Variants in ZNF280D observed in about 807,000 individuals in gnomAD.
The protein encoded by ZNF280D is suppressor of hairy wing homolog 4.
ZNF280D carries 39 observed loss-of-function variants against 94.7 expected under a neutral mutation model. The ratio of observed to expected loss-of-function variants is 0.41; its 90% confidence interval spans 0.32 to 0.54. The LOEUF (loss-of-function observed/expected upper bound fraction) is 0.54, where lower values mean the gene tolerates loss of function less well. ZNF280D is among the 20% of genes least tolerant of loss of function. The probability of loss-of-function intolerance (pLI) is 0.22; values close to 1 mark genes in which losing one functional copy is unlikely to be tolerated. For synonymous variants in ZNF280D, 398 were observed against 377.6 expected, an observed-to-expected ratio of 1.05 and a Z score of -0.63; for missense variants, 1,090 against 1,149.3, an observed-to-expected ratio of 0.95 and a Z score of 0.75.
chr15:56,641,728 AC>A (rs2052638798), intron 20 of ZNF280D, among the ~76,000 whole-genome samples: 1 of 151,832 alleles, frequency 6.6e-6, no homozygotes, highest in African/African-American at 2.4e-5. Context: ...TGGCTTGTAT[AC>A]CCCTGTATAA....
rs551639216 is a variant in ZNF280D, at chr15:56,678,309, G to T, written c.1162+355C>A. 6.3e-4 allele frequency among the ~76,000 whole-genome samples: 96 copies of T among 152,228 alleles called. 1 individual carries two copies. Among genetic ancestry groups the T allele is most frequent in the Middle Eastern group, 3.4e-3 (1 of 294 alleles). The stretch of plus-strand genomic sequence containing the variant: ...TTACAGGCATGAGCCACTGCACCCC[G>T]CCTGTGATTTTTAACTAAAACAGTA... On this transcript the variant is annotated intron_variant, in intron 11 of 21. Transcript: ENST00000267807.
intron 16 of ZNF280D, 80 bp from the exon 17 acceptor site, chr15:56,658,566 TTAAG>T (rs1289854016): frequency 2.0e-6 from 2 of 977,618 alleles, no homozygotes; most frequent in Non-Finnish European, 2.9e-6. Flanking sequence ...AAGTCCATAC[TTAAG>T]TTTCTAGTTT....
At chr15:56,694,120 T>G (rs138848699) in intron 6 of ZNF280D, among the ~76,000 whole-genome samples, 9 of 152,090 alleles carry the variant, frequency 5.9e-5, no homozygotes. Context: ...AAAAGGAAGA[T>G]CTTAAGAAGA....
At chr15:56,654,349 T>A (rs769358692) in intron 18 of ZNF280D, 36 bp downstream of exon 18, 2 of 1,594,996 alleles carry the variant, frequency 1.3e-6, no homozygotes, top group Non-Finnish European at 1.7e-6. Context: ...GGAATAAAAG[T>A]CAAAAATCTA....
chr15:56,672,335 T>C (rs2054925350), intron 13 of ZNF280D, among the ~76,000 whole-genome samples: 1 of 152,118 alleles, frequency 6.6e-6, no homozygotes, highest in South Asian at 2.1e-4. Flanking sequence ...ATGGCTCTTA[T>C]TATTTTGAGG....
At chr15:56,649,382 T>C (rs2053080406) in intron 19 of ZNF280D, among the ~76,000 whole-genome samples, 1 of 152,132 alleles carries the variant, frequency 6.6e-6, no homozygotes, top group Admixed American at 6.6e-5. Flanking sequence ...GCTTACCAGA[T>C]ATCAAAGGCA....
intron 17 of ZNF280D, 104 bp downstream of exon 17, chr15:56,658,320 T>C (rs2053681291): frequency 1.3e-6 from 1 of 774,890 alleles, no homozygotes; most frequent in Admixed American, 3.0e-5. Context: ...AACACATAAA[T>C]TGTATGGTAT....
chr15:56,634,106 A>C (rs1043775833), intron 21 of ZNF280D: 2 of 152,134 alleles, frequency 1.3e-5, no homozygotes, highest in Non-Finnish European at 1.5e-5. Context: ...GCTGTGATCA[A>C]TTATTTGTAT....
rs1182426048 is a variant in ZNF280D at position 56,630,852 on chromosome 15, G to C, written c.*646C>G. 1 of 152,178 alleles carries C rather than the reference G, an allele frequency of 6.6e-6. No individual in the cohort carries two copies. Among genetic ancestry groups the C allele is most frequent in the African/African-American group, 2.4e-5 (1 of 41,444 alleles). 9.4% of individuals were successfully genotyped at this position (152,178 alleles called of 1,614,324 possible). A position where few individuals can be genotyped will look rare whatever the true frequency, so the allele number is the denominator to read the frequency against. ...ATTAAGGTAAGCTTACAGCCTGGCA[G>C]GCTAACACTTGTATGGAGGTACAAA... On this transcript the variant is annotated 3_prime_UTR_variant, in exon 22 of 22. Coordinates refer to ENST00000267807, the MANE Select transcript of ZNF280D (RefSeq NM_017661.4).
At chr15:56,701,302 A>G in intron 4 of ZNF280D, 64 bp from the exon 5 acceptor site, 1 of 1,144,262 alleles carries the variant, frequency 8.7e-7, no homozygotes, top group Non-Finnish European at 1.2e-6. Context: ...AAGATAATAG[A>G]AATCATGAAT....
chr15:56,689,126 G>C lies in ZNF280D; in HGVS notation c.695C>G (p.Ser232Cys). The C allele has an allele frequency of 6.2e-7, 1 of 1,610,114 alleles. No homozygotes were observed. Reference protein sequence around the residue: ...AKGTNTSSNQSKNGTPFPRAC... With the variant: ...AKGTNTSSNQCKNGTPFPRAC... ...TCTTGGAAAAGGTGTTCCATTTTTA[G>C]ACTGATTTGATGAGGTATTTGTACC... The change falls in exon 9 of 22, where the codon TCT becomes TGT. Residue 232 changes from serine to cysteine, a missense_variant. This residue lies in a region of ZNF280D where 386 missense variants were observed against 372.0 expected (regional missense o/e 1.04). Transcript: ENST00000267807.
chr15:56,666,613 T>G lies in ZNF280D; in HGVS notation c.1853+66A>C. ...AAGGAAGAGCCTTAATAATGTTCTC[T>G]TAACTAAAGTATAAGTTTTTATACT... On this transcript the variant is annotated intron_variant, in intron 15 of 21. Coordinates refer to ENST00000267807, the MANE Select transcript of ZNF280D (RefSeq NM_017661.4). 5 of 1,515,624 alleles carry G rather than the reference T, an allele frequency of 3.3e-6. No homozygotes were observed. In the South Asian group the frequency reaches 6.4e-5, roughly 19 times the overall value. The allele number at this position is 1,515,624 out of a possible 1,614,324, so 93.9% of individuals were successfully genotyped here.
chr15:56,631,954 A>C lies in ZNF280D; in HGVS notation c.2484T>G (p.Asp828Glu), dbSNP rs760997590. ...CCACTTTATCTGCACCAATATTTGA[A>C]TCACAACTGACGATGTTTTTTGAGC... The part of the protein sequence containing the change: ...ETGSKNIVSC[D>E]SNIGADKVEK... Residue 828 changes from aspartate (D) to glutamate (E), a missense_variant, in exon 22 of 22, where the codon GAT (aspartate) becomes GAG (glutamate). Physicochemically the swap from Asp to Glu is conservative, Grantham distance 45. Coordinates refer to ENST00000267807, the MANE Select transcript of ZNF280D (RefSeq NM_017661.4). 9 of 1,613,888 alleles carry C rather than the reference A, an allele frequency of 5.6e-6. No individual in the cohort carries two copies. Among genetic ancestry groups the C allele is most frequent in the Admixed American group, 5.0e-5 (3 of 59,994 alleles).
chr15:56,654,805 A>C (rs1451780421), intron 17 of ZNF280D: 1 of 482,914 alleles, frequency 2.1e-6, no homozygotes, highest in African/African-American at 1.9e-5. Flanking sequence ...AACTTGTGTA[A>C]CTTAGGCAAG....
At chr15:56,720,811 A>AT (rs1200558411) in intron 1 of ZNF280D, among the ~76,000 whole-genome samples, 1 of 151,772 alleles carries the variant, frequency 6.6e-6, no homozygotes, top group African/African-American at 2.4e-5. Flanking sequence ...TGAAAGGAAA[A>AT]TTTTTTTCTG....
chr15:56,684,800 T>C (rs1180130763), intron 9 of ZNF280D, among the ~76,000 whole-genome samples: 1 of 152,064 alleles, frequency 6.6e-6, no homozygotes, highest in East Asian at 1.9e-4. Context: ...GGAGATGAAA[T>C]TGTATGGAAT....
At chr15:56,718,506 T>C (rs2058166064) in intron 1 of ZNF280D, among the ~76,000 whole-genome samples, 1 of 152,228 alleles carries the variant, frequency 6.6e-6, no homozygotes, top group Admixed American at 6.5e-5. Context: ...AAAATTCTTT[T>C]AATATAATAT....
chr15:56,688,906 T>C (rs1198373950), intron 9 of ZNF280D, 135 bp downstream of exon 9: 1 of 537,258 alleles, frequency 1.9e-6, no homozygotes, highest in African/African-American at 2.0e-5. Context: ...ATAATCATTA[T>C]GAATGTAAAT....
chr15:56,667,853 T>A (rs945926635), intron 14 of ZNF280D: 1 of 172,282 alleles, frequency 5.8e-6, no homozygotes, highest in Non-Finnish European at 1.2e-5. Context: ...CCTCAGTGGA[T>A]TGTGGTATGA....
Sources: allele counts gnomAD v4.1 joint callset (sites outside exome capture counted in the v4.1 genomes callset), GRCh38; gene constraint gnomAD v4.1.1; regional missense constraint gnomAD v4.1.1; transcripts MANE v1.5; gene names NCBI Gene and HGNC (gene_info 2026-07-23, HGNC 2026-07-21).